CSMD3: variants seen among roughly 807,000 people sequenced by gnomAD.
CSMD3 encodes CUB and Sushi multiple domains 3, also known as CUB and sushi domain-containing protein 3.
Under a neutral mutation model 435.2 loss-of-function variants are expected in CSMD3, and 177 were observed. That is an observed-to-expected ratio of 0.41 (90% CI 0.36 to 0.46). The LOEUF (loss-of-function observed/expected upper bound fraction) is 0.46. Ranked by LOEUF, CSMD3 falls within the 20% of genes least tolerant of loss-of-function variation. The pLI, the probability that CSMD3 is intolerant of heterozygous loss-of-function variation, is 0.34. For missense variants in CSMD3, 4,265 were observed against 4,504.6 expected (o/e 0.95, Z 1.52); for synonymous variants, 1,656 against 1,520.5 (o/e 1.09, Z -2.07).
intron 23 of CSMD3, among the ~76,000 whole-genome samples, chr8:112,584,983 C>T (rs1830610004): frequency 6.6e-6 from 1 of 151,328 alleles, no homozygotes; most frequent in Non-Finnish European, 1.5e-5. Context: ...CATCTTTCTG[C>T]TTGTATATAA....
intron 5 of CSMD3, among the ~76,000 whole-genome samples, chr8:113,026,897 C>T (rs2086896481): frequency 1.3e-5 from 2 of 152,154 alleles, no homozygotes; most frequent in Non-Finnish European, 2.9e-5. Context: ...TTACTGCTTT[C>T]ACCTTGTTTA....
At chr8:112,626,546 T>TA (rs140945707) in intron 22 of CSMD3, among the ~76,000 whole-genome samples, 25,363 of 152,060 alleles carry the variant, frequency 0.17, 2,672 homozygotes, top group South Asian at 0.29. Context: ...GATTTTATTT[T>TA]TAAAAAATGG....
At position 112,971,906 on chromosome 8, in the gene CSMD3, T is replaced by C. The variant is rs527590209; in HGVS notation, c.1342+3931A>G. Among the ~76,000 whole-genome samples the C allele has an allele frequency of 5.6e-4, 86 of 152,214 alleles. 1 individual carries two copies. The highest frequency in any genetic ancestry group is 2.0e-3 in the African/African-American group (83 of 41,580). On this transcript the variant is annotated intron_variant, in intron 7 of 70. Coordinates refer to ENST00000297405, the MANE Select transcript of CSMD3 (RefSeq NM_198123.2). ...TGTTGATGTTTTAACTATAGTACAA[T>C]AGGAAAATTAATTGGAATGGTACCC...
chr8:112,426,731 A>T (rs1454329003), intron 32 of CSMD3, among the ~76,000 whole-genome samples: 1 of 152,188 alleles, frequency 6.6e-6, no homozygotes. Flanking sequence ...CTATTTTGAA[A>T]TTCTGACTTA....
chr8:113,229,749 A>G (rs931962056), intron 3 of CSMD3, among the ~76,000 whole-genome samples: 2 of 151,570 alleles, frequency 1.3e-5, no homozygotes, highest in South Asian at 2.1e-4. Flanking sequence ...CAACAGCCCA[A>G]TTGTTCTGAA....
chr8:112,313,909 T>A lies in CSMD3; in HGVS notation c.7693A>T (p.Ile2565Leu). 1.9e-6 allele frequency: 3 copies of A among 1,609,464 alleles called. No individual in the cohort carries two copies. Among genetic ancestry groups the A allele is most frequent in the Non-Finnish European group, 2.6e-6 (3 of 1,176,184 alleles). The part of the protein sequence containing the change: ...NNKKGFRIRY[I>L]AFYCSTPESP... Reference sequence around the variant, plus strand: ...TGAAGTTATAAGTTTTACATACCTATATATCTTATCCGGAAGCCTTTTTTG... The same window carrying A: ...TGAAGTTATAAGTTTTACATACCTAAATATCTTATCCGGAAGCCTTTTTTG... The change falls in exon 49 of 71, where the codon ATA (isoleucine) becomes TTA (leucine). Residue 2565 changes from isoleucine to leucine, a missense_variant. Transcript: ENST00000297405.
rs1286161342 is a variant in CSMD3 at position 112,319,946 on chromosome 8, C to G, written c.7201G>C (p.Val2401Leu). The G allele has an allele frequency of 3.1e-6, 5 of 1,612,974 alleles. No homozygotes were observed. The highest frequency in any genetic ancestry group is 3.3e-5 in the Admixed American group (2 of 59,876). ...TCCGTCAAAATTTCAGCATTGGGCACAGGTGGTGGAGGTTGGCACACCCTT... is the reference window on the plus strand; with the variant it reads ...TCCGTCAAAATTTCAGCATTGGGCAGAGGTGGTGGAGGTTGGCACACCCTT... ...QLRVCQPPPP[V>L]PNAEILTEDD... Residue 2401 changes from valine to leucine, a missense_variant, in exon 46 of 71, where the codon GTG becomes CTG. Physicochemically the swap from Val to Leu is conservative, Grantham distance 32. Around this residue, in one of 3 missense-constraint regions of CSMD3, gnomAD observed 3,255 missense variants for 3,380.2 expected, o/e 0.96. Coordinates refer to ENST00000297405, the MANE Select transcript of CSMD3 (RefSeq NM_198123.2).
At chr8:112,237,443 T>TA in intron 66 of CSMD3, 95 bp from the exon 67 acceptor site, 7 of 892,614 alleles carry the variant, frequency 7.8e-6, no homozygotes, top group South Asian at 1.4e-5. Context: ...AATGATGTAT[T>TA]GCTAATACAC....
intron 10 of CSMD3, among the ~76,000 whole-genome samples, chr8:112,885,596 G>C (rs937766725): frequency 1.3e-4 from 20 of 151,690 alleles, no homozygotes; most frequent in African/African-American, 4.8e-4. Flanking sequence ...TCTGAGGCCA[G>C]AGTCTAAGCT....
intron 13 of CSMD3, among the ~76,000 whole-genome samples, chr8:112,738,262 G>A (rs78851141): frequency 6.6e-6 from 1 of 151,684 alleles, no homozygotes. Flanking sequence ...GCATCTCAAA[G>A]ATTGATTAAA....
intron 38 of CSMD3, among the ~76,000 whole-genome samples, chr8:112,373,494 G>A (rs1455330739): frequency 6.6e-6 from 1 of 151,400 alleles, no homozygotes; most frequent in East Asian, 2.0e-4. Flanking sequence ...CTTATCTCAA[G>A]TACCTAAAAT....
At chr8:113,406,680 C>T (rs917731365) in intron 1 of CSMD3, among the ~76,000 whole-genome samples, 2 of 151,734 alleles carry the variant, frequency 1.3e-5, no homozygotes, top group Non-Finnish European at 2.9e-5. Context: ...TCATTTTTTT[C>T]TGATCTATTG....
chr8:113,025,320 T>G (rs537592470), intron 5 of CSMD3, among the ~76,000 whole-genome samples: 1 of 152,322 alleles, frequency 6.6e-6, no homozygotes, highest in Non-Finnish European at 1.5e-5. Flanking sequence ...GTGTTTTGGC[T>G]TTGATTCTGG....
At chr8:113,186,557 C>T (rs1481017430) in intron 3 of CSMD3, among the ~76,000 whole-genome samples, 2 of 152,022 alleles carry the variant, frequency 1.3e-5, no homozygotes, top group Non-Finnish European at 2.9e-5. Context: ...CACACAGTTC[C>T]AGGATCAGCT....
intron 36 of CSMD3, among the ~76,000 whole-genome samples, chr8:112,386,698 T>C (rs574363543): frequency 1.1e-4 from 17 of 151,782 alleles, no homozygotes; most frequent in South Asian, 6.2e-4. Context: ...GGGGTTTCAC[T>C]ATGTTAGCCA....
chr8:112,891,905 G>A (rs764638445), intron 10 of CSMD3, among the ~76,000 whole-genome samples: 9 of 151,472 alleles, frequency 5.9e-5, no homozygotes, highest in African/African-American at 1.4e-4. Flanking sequence ...CTGTGTGCAC[G>A]TGTGTGTGTA....
intron 4 of CSMD3, among the ~76,000 whole-genome samples, chr8:113,153,156 AAGG>A: frequency 7.0e-6 from 1 of 143,394 alleles, no homozygotes; most frequent in Non-Finnish European, 1.5e-5. Context: ...GGAAGGAAGG[AAGG>A]AAGGAAGGAA....
intron 5 of CSMD3, among the ~76,000 whole-genome samples, chr8:113,074,854 T>C (rs547170718): frequency 6.3e-4 from 95 of 151,848 alleles, no homozygotes; most frequent in African/African-American, 2.1e-3. Flanking sequence ...GCTTCATACA[T>C]AAAAACAGAA....
chr8:112,599,710 T>G (rs1157040166), intron 22 of CSMD3, among the ~76,000 whole-genome samples: 3 of 151,544 alleles, frequency 2.0e-5, no homozygotes, highest in African/African-American at 4.8e-5. Context: ...TGAGTTCATG[T>G]CCTTTGTAGG....
Sources: gnomAD v4.1 joint callset for allele counts (sites outside exome capture counted in the v4.1 genomes callset) on GRCh38, gnomAD v4.1.1 for gene constraint, gnomAD v4.1.1 regional missense constraint, MANE v1.5 for transcripts, NCBI Gene and HGNC (gene_info 2026-07-23, HGNC 2026-07-21) for gene names.